KCNMA1: variants seen among roughly 807,000 people sequenced by gnomAD.
KCNMA1 encodes the protein potassium calcium-activated channel subfamily M alpha 1.
KCNMA1 carries 29 observed loss-of-function variants against 140.0 expected under a neutral mutation model. The observed-to-expected ratio is 0.21, with a 90% CI of 0.15 to 0.28. The LOEUF is 0.28. Ranked by LOEUF, KCNMA1 falls within the 10% of genes least tolerant of loss-of-function variation. The probability of loss-of-function intolerance (pLI) is 1.00; values close to 1 mark genes in which losing one functional copy is unlikely to be tolerated. For missense variants in KCNMA1, 880 were observed against 1,602.2 expected, an observed-to-expected ratio of 0.55 and a Z score of 7.70; for synonymous variants, 612 against 611.9, an observed-to-expected ratio of 1.00 and a Z score of 0.00.
rs543354645 is a variant in KCNMA1, at chr10:76,971,342, T to C, written c.2267-1275A>G. Among the ~76,000 whole-genome samples, 6 of 152,284 alleles carry C rather than the reference T, an allele frequency of 3.9e-5. No homozygotes were observed. The East Asian group carries it at 1.2e-3, about 29-fold the overall frequency. On this transcript the variant is annotated intron_variant, in intron 19 of 27. Transcript: ENST00000286628. ...GTGCCATGTCAGCTACTTGGTATTA[T>C]CCAGGAAGACCCATATTAGAGCATG...
rs113740284 is a variant in KCNMA1 at position 76,929,234 on chromosome 10, T to G, written c.2903-14185A>C. ...TAGGGGCCTGTTAAAAGTAGTTTTA[T>G]AGATTAAGTGTGAAACCTCAACCCT... On this transcript the variant is annotated intron_variant, in intron 23 of 27. Transcript: ENST00000286628. 8.8e-3 allele frequency among the ~76,000 whole-genome samples: 1,335 copies of G among 152,336 alleles called. 18 individuals are homozygous for G. Among genetic ancestry groups the G allele is most frequent in the African/African-American group, 0.03 (1,264 of 41,584 alleles).
chr10:77,001,287 G>A lies in KCNMA1; in HGVS notation c.2266+120C>T, dbSNP rs530130219. ...TGGGGCAACATGTCAGCACACAGGA[G>A]TTCACACTGGGAAGAAGACATCAGC... On this transcript the variant is annotated intron_variant, in intron 19 of 27. Transcript: ENST00000286628. The A allele has an allele frequency of 3.1e-5, 28 of 908,682 alleles. 1 individual carries two copies. The African/African-American group carries it at 3.1e-4, about 10-fold the overall frequency. The allele number at this position is 908,682 out of a possible 1,614,324, so 56.3% of individuals were successfully genotyped here.
chr10:77,476,655 T>C (rs1205613795), intron 1 of KCNMA1, among the ~76,000 whole-genome samples: 3 of 152,222 alleles, frequency 2.0e-5, no homozygotes. Context: ...TCCAGTGGAC[T>C]GATAATGTCA....
rs2036797752 is a variant in KCNMA1, at chr10:76,886,132, C to T, written c.*1134G>A. The T allele has an allele frequency of 1.0e-6, 1 of 985,264 alleles. No individual in the cohort carries two copies. The highest frequency in any genetic ancestry group is 1.7e-5 in the African/African-American group (1 of 57,232). The allele number at this position is 985,264 out of a possible 1,614,324, so 61.0% of individuals were successfully genotyped here. On this transcript the variant is annotated 3_prime_UTR_variant, in exon 28 of 28. Transcript: ENST00000286628. ...TCCTCCTACATTCTAATTTATTTAG[C>T]ATGTCGGCTCCTAGAAAAGCATGAT...
At chr10:77,343,707 A>T (rs1273266207) in intron 2 of KCNMA1, among the ~76,000 whole-genome samples, 1 of 152,256 alleles carries the variant, frequency 6.6e-6, no homozygotes, top group Non-Finnish European at 1.5e-5. Flanking sequence ...TCAAGAAAAT[A>T]AAACCAAGAG....
At chr10:77,217,453 T>C (rs1264260473) in intron 3 of KCNMA1, 9 of 455,218 alleles carry the variant, frequency 2.0e-5, no homozygotes, top group Non-Finnish European at 4.0e-5. Context: ...CATCAACTGG[T>C]ATGTATTAAA....
intron 26 of KCNMA1, among the ~76,000 whole-genome samples, chr10:76,890,382 G>A (rs2039432430): frequency 6.6e-6 from 1 of 152,108 alleles, no homozygotes; most frequent in African/African-American, 2.4e-5. Flanking sequence ...CCAATCATTG[G>A]AATTCTCATA....
intron 1 of KCNMA1, among the ~76,000 whole-genome samples, chr10:77,585,191 C>T (rs180990828): frequency 2.6e-5 from 4 of 152,302 alleles, no homozygotes; most frequent in Non-Finnish European, 4.4e-5. Context: ...CTCAGACTAT[C>T]GGGGGAGGTG....
At chr10:77,249,027 C>T (rs928992189) in intron 3 of KCNMA1, among the ~76,000 whole-genome samples, 3 of 152,192 alleles carry the variant, frequency 2.0e-5, no homozygotes, top group Non-Finnish European at 4.4e-5. Context: ...CAAAGCCTTG[C>T]TATGCCAAAT....
intron 2 of KCNMA1, among the ~76,000 whole-genome samples, chr10:77,391,232 G>A (rs542013963): frequency 4.6e-5 from 7 of 152,132 alleles, no homozygotes; most frequent in Non-Finnish European, 7.3e-5. Context: ...CTCTCCCAGG[G>A]ACGTGGTGCA....
At chr10:76,937,537 C>A (rs1436912903) in intron 23 of KCNMA1, among the ~76,000 whole-genome samples, 2 of 152,206 alleles carry the variant, frequency 1.3e-5, no homozygotes, top group African/African-American at 2.4e-5. Flanking sequence ...TGCATTCTGT[C>A]CTGTGGATTT....
chr10:77,089,027 T>A (rs1475841251), intron 10 of KCNMA1, among the ~76,000 whole-genome samples: 3 of 152,212 alleles, frequency 2.0e-5, no homozygotes, highest in Non-Finnish European at 4.4e-5. Flanking sequence ...TCTAGAGAAC[T>A]TTCCAAAACG....
chr10:77,122,702 T>C (rs549449867), intron 5 of KCNMA1, among the ~76,000 whole-genome samples: 1 of 152,166 alleles, frequency 6.6e-6, no homozygotes, highest in South Asian at 2.1e-4. Context: ...AAAGAACTTT[T>C]GAGATATGAA....
intron 12 of KCNMA1, 136 bp downstream of exon 12, chr10:77,084,501 T>C (rs2096650103): frequency 6.7e-6 from 5 of 745,996 alleles, no homozygotes; most frequent in African/African-American, 1.7e-5. Flanking sequence ...CCCAGGCCTA[T>C]GCAGCTGGTG....
chr10:77,357,371 C>G (rs961122650), intron 2 of KCNMA1, among the ~76,000 whole-genome samples: 3 of 152,326 alleles, frequency 2.0e-5, no homozygotes, highest in Non-Finnish European at 4.4e-5. Flanking sequence ...TGGTAGCATC[C>G]TCTGGTAGAG....
At chr10:77,002,496 T>C (rs11001964) in intron 18 of KCNMA1, among the ~76,000 whole-genome samples, 9,866 of 152,312 alleles carry the variant, frequency 0.065, 396 homozygotes, top group African/African-American at 0.1. Context: ...ACAGAAAATA[T>C]TCGCCAAAAT....
chr10:77,031,176 TCA>T (rs2093912761), intron 15 of KCNMA1, among the ~76,000 whole-genome samples: 1 of 152,212 alleles, frequency 6.6e-6, no homozygotes, highest in Non-Finnish European at 1.5e-5. Context: ...GAAGTGGCAG[TCA>T]CAAGCCCAAC....
intron 2 of KCNMA1, among the ~76,000 whole-genome samples, chr10:77,362,415 ACAGC>A (rs540035279): frequency 5.1e-4 from 74 of 143,820 alleles, no homozygotes; most frequent in African/African-American, 1.9e-3. Flanking sequence ...CAATATGGAA[ACAGC>A]CAGAAAGATT....
chr10:77,242,564 T>A lies in KCNMA1; in HGVS notation c.602+8631A>T, dbSNP rs1224232002. Among the ~76,000 whole-genome samples the A allele has an allele frequency of 2.6e-5, 4 of 152,244 alleles. No homozygotes were observed. The East Asian group carries it at 7.7e-4, about 29-fold the overall frequency. On this transcript the variant is annotated intron_variant, in intron 3 of 27. Coordinates refer to ENST00000286628, the MANE Select transcript of KCNMA1 (RefSeq NM_001161352.2). ...ATGCTCATATTAGTCATTGATATAT[T>A]GCTTAGCGATGCCTTACTTGTTCTT...
Sources: gnomAD v4.1 joint callset for allele counts (sites outside exome capture counted in the v4.1 genomes callset) on GRCh38, gnomAD v4.1.1 for gene constraint, MANE v1.5 for transcripts, NCBI Gene and HGNC (gene_info 2026-07-23, HGNC 2026-07-21) for gene names.